The following SLC45A1 variants were observed in gnomAD, a reference collection of about 807,000 sequenced individuals.
SLC45A1 encodes the protein proton-associated sugar transporter A.
A neutral mutation model predicts 57.6 loss-of-function variants in SLC45A1; 28 were observed. The ratio of observed to expected loss-of-function variants is 0.49; its 90% CI spans 0.36 to 0.67. The LOEUF is 0.67. Ranked by LOEUF, SLC45A1 falls within the 30% of genes least tolerant of loss-of-function variation. The probability of loss-of-function intolerance (pLI) is 0.00; values close to 1 mark genes in which losing one functional copy is unlikely to be tolerated. For synonymous variants in SLC45A1, 459 were observed against 471.5 expected, an observed-to-expected ratio of 0.97 and a Z score of 0.34; for missense variants, 814 against 1,041.5, an observed-to-expected ratio of 0.78 and a Z score of 3.01.
intron 5 of SLC45A1, among the ~76,000 whole-genome samples, chr1:8,334,595 C>T (rs1243943802): frequency 1.3e-5 from 2 of 151,980 alleles, no homozygotes; most frequent in African/African-American, 4.8e-5. Context: ...CCCAGCTACT[C>T]GGGAGGCTGA....
At position 8,325,847 on chromosome 1, in the gene SLC45A1, A is replaced by C; in HGVS notation, c.520A>C (p.Asn174His). Residue 174 changes from asparagine (N) to histidine (H), a missense_variant, in exon 4 of 9, where the codon AAT (asparagine) becomes CAT (histidine). Transcript: ENST00000471889. The surrounding 1 kb of genome is among the most constrained non-coding windows in gnomAD (Gnocchi z 6.3). ...ACTGCTGGGCCTCTCGCTCTTGCTGAATGGCCGGGACATTGGCATCGCCCT... is the reference window on the plus strand; with the variant it reads ...ACTGCTGGGCCTCTCGCTCTTGCTGCATGGCCGGGACATTGGCATCGCCCT... Reference protein sequence around the residue: ...GALLGLSLLLNGRDIGIALAD... With the variant: ...GALLGLSLLLHGRDIGIALAD... The C allele has an allele frequency of 6.2e-7, 1 of 1,613,808 alleles. No individual in the cohort carries two copies. Among genetic ancestry groups the C allele is most frequent in the Non-Finnish European group, 8.5e-7 (1 of 1,180,040 alleles).
rs747114469 is a variant in SLC45A1, at chr1:8,325,953, C to A, written c.626C>A (p.Ser209Ter). Residue 209 changes from serine (S) to a stop codon, truncating the protein, a stop_gained, in exon 4 of 9, where the codon TCG becomes TAG. Transcript: ENST00000471889. LOFTEE classifies it high-confidence loss of function. The surrounding 1 kb of genome is among the most constrained non-coding windows in gnomAD (Gnocchi z 6.3). ...GVVLMDFSAD[S>*]ADNPSHAYMM... ...GTGCTGATGGACTTTAGCGCCGACT[C>A]GGCGGACAACCCCAGCCACGCCTAC... 1 of 1,613,390 alleles carries A rather than the reference C, an allele frequency of 6.2e-7. No homozygotes were observed. The highest frequency in any genetic ancestry group is 8.5e-7 in the Non-Finnish European group (1 of 1,180,026).
At position 8,327,091 on chromosome 1, in the gene SLC45A1, C is replaced by T. The variant is rs1640225642; in HGVS notation, c.715+1049C>T. 1.3e-5 allele frequency among the ~76,000 whole-genome samples: 2 copies of T among 152,218 alleles called. No homozygotes were observed. Among genetic ancestry groups the T allele is most frequent in the African/African-American group, 4.8e-5 (2 of 41,458 alleles). On this transcript the variant is annotated intron_variant, in intron 4 of 8. Coordinates refer to ENST00000471889, the MANE Select transcript of SLC45A1 (RefSeq NM_001080397.3). This position sits in a 1 kb window ranked among gnomAD's most constrained non-coding sequence, Gnocchi z 4.3. Reference sequence around the variant, plus strand: ...CAGCTGGATCACGCACCCTTGGAAGCACAGGCGTTGTGCTGTTCTGTGCAA... The same window carrying T: ...CAGCTGGATCACGCACCCTTGGAAGTACAGGCGTTGTGCTGTTCTGTGCAA...
In SLC45A1 at chr1:8,332,277, T is replaced by A. The variant is rs564170282; in HGVS notation, c.1443+1341T>A. 2.6e-5 allele frequency among the ~76,000 whole-genome samples: 4 copies of A among 152,280 alleles called. No homozygotes were observed. The East Asian group carries it at 7.7e-4, about 29-fold the overall frequency. On this transcript the variant is annotated intron_variant, in intron 5 of 8. Coordinates refer to ENST00000471889, the MANE Select transcript of SLC45A1 (RefSeq NM_001080397.3). The stretch of plus-strand genomic sequence containing the variant: ...AATACATCCAAGTCTTCATGGACGG[T>A]GGAAACAAAACGTGAAACCTGCAGA...
chr1:8,330,463 G>C lies in SLC45A1; in HGVS notation c.970G>C (p.Asp324His). Residue 324 changes from aspartate to histidine, a missense_variant, in exon 5 of 9, where the codon GAC becomes CAC. Transcript: ENST00000471889. This position sits in a 1 kb window ranked among gnomAD's most constrained non-coding sequence, Gnocchi z 8.4. Reference protein sequence around the residue: ...PPVLPEEGPGDSLPSHTATNF... With the variant: ...PPVLPEEGPGHSLPSHTATNF... ...CGTCCTGCCAGAGGAAGGCCCTGGCGACAGCCTCCCGTCGCACACGGCCAC... is the reference window on the plus strand; with the variant it reads ...CGTCCTGCCAGAGGAAGGCCCTGGCCACAGCCTCCCGTCGCACACGGCCAC... The C allele has an allele frequency of 6.2e-7, 1 of 1,612,004 alleles. No homozygotes were observed.
At position 8,330,704 on chromosome 1, in the gene SLC45A1, T is replaced by G. The variant is rs201577337; in HGVS notation, c.1211T>G (p.Phe404Cys). 32 of 1,613,052 alleles carry G rather than the reference T, an allele frequency of 2.0e-5. No homozygotes were observed. In the East Asian group the frequency reaches 6.5e-4, roughly 33 times the overall value. The change falls in exon 5 of 9, where the codon TTC (phenylalanine) becomes TGC (cysteine). Residue 404 changes from phenylalanine to cysteine, a missense_variant. Transcript: ENST00000471889. This position sits in a 1 kb window ranked among gnomAD's most constrained non-coding sequence, Gnocchi z 8.4. ...CCCAGGCCGCCCATCAGCGTCAGCTTCCCCCGGGCCCCCGACGGCTTCTAC... is the reference window on the plus strand; with the variant it reads ...CCCAGGCCGCCCATCAGCGTCAGCTGCCCCCGGGCCCCCGACGGCTTCTAC... Reference protein sequence around the residue: ...SVPRPPISVSFPRAPDGFYRQ... With the variant: ...SVPRPPISVSCPRAPDGFYRQ...
chr1:8,331,067 C>T, intron 5 of SLC45A1, 131 bp downstream of exon 5: 1 of 1,227,972 alleles, frequency 8.1e-7, no homozygotes, highest in Non-Finnish European at 1.1e-6. Flanking sequence ...TTATCAAGTG[C>T]TTTGACCTAA....
chr1:8,323,230 C>T lies in SLC45A1; in HGVS notation c.-24-1076C>T, dbSNP rs141720559. On this transcript the variant is annotated intron_variant, in intron 1 of 8. Coordinates refer to ENST00000471889, the MANE Select transcript of SLC45A1 (RefSeq NM_001080397.3). ...AGTTGAGGCTGGGCACGGTGGCTCA[C>T]GCCTGTAATCCCAGCACTTTGGGAG... 6.3e-3 allele frequency among the ~76,000 whole-genome samples: 965 copies of T among 152,176 alleles called. 6 individuals carry two copies. Among genetic ancestry groups the T allele is most frequent in the African/African-American group, 0.022 (913 of 41,506 alleles).
chr1:8,323,283 G>A (rs1640088477), intron 1 of SLC45A1, among the ~76,000 whole-genome samples: 1 of 152,136 alleles, frequency 6.6e-6, no homozygotes, highest in African/African-American at 2.4e-5. Context: ...ACGAGGTCAG[G>A]AGATAGAGAC....
rs1298082397 is a variant in SLC45A1, at chr1:8,328,889, G to A, written c.716-1320G>A. The stretch of plus-strand genomic sequence containing the variant: ...AAAGTTCTTCTGAAATCTGACCTTG[G>A]ATAAGGGTCACGAACAGCAATGGTG... On this transcript the variant is annotated intron_variant, in intron 4 of 8. Transcript: ENST00000471889. This position sits in a 1 kb window ranked among gnomAD's most constrained non-coding sequence, Gnocchi z 4.6. 6.6e-6 allele frequency among the ~76,000 whole-genome samples: 1 copy of A among 152,100 alleles called. No individual in the cohort carries two copies. The highest frequency in any genetic ancestry group is 1.5e-5 in the Non-Finnish European group (1 of 68,008).
intron 1 of SLC45A1, 44 bp from the exon 2 acceptor site, chr1:8,324,262 C>T (rs771104356): frequency 3.9e-6 from 6 of 1,538,414 alleles, no homozygotes; most frequent in Non-Finnish European, 5.3e-6. Flanking sequence ...GGAGGACTAC[C>T]CAGGCAAAAG....
Position 8,325,223 on chromosome 1 carries a change from G to T in SLC45A1, c.398-75G>T. The T allele has an allele frequency of 1.1e-6, 1 of 918,364 alleles. No individual in the cohort carries two copies. The highest frequency in any genetic ancestry group is 1.3e-5 in the South Asian group (1 of 74,620). The allele number at this position is 918,364 out of a possible 1,614,324, so 56.9% of individuals were successfully genotyped here. On this transcript the variant is annotated intron_variant, in intron 2 of 8. Coordinates refer to ENST00000471889, the MANE Select transcript of SLC45A1 (RefSeq NM_001080397.3). The surrounding 1 kb of genome is among the most constrained non-coding windows in gnomAD (Gnocchi z 6.3). ...GGGTGTTTGAGAGCAGGCACTTCAGGAATGTGGAGGCTGATTCGATGTCCC... is the reference window on the plus strand; with the variant it reads ...GGGTGTTTGAGAGCAGGCACTTCAGTAATGTGGAGGCTGATTCGATGTCCC...
Position 8,335,684 on chromosome 1 carries a change from A to C in SLC45A1, c.1597+94A>C. 9 of 1,382,404 alleles carry C rather than the reference A, an allele frequency of 6.5e-6. No homozygotes were observed. Among genetic ancestry groups the C allele is most frequent in the Non-Finnish European group, 7.7e-6 (8 of 1,037,434 alleles). The allele number at this position is 1,382,404 out of a possible 1,614,324, so 85.6% of individuals were successfully genotyped here. A position where few individuals can be genotyped will look rare whatever the true frequency, so the allele number is the denominator to read the frequency against. ...AGGATGCCCCTGAGCCTCCCTTCCC[A>C]GAACCTTTCTGAGTTCACCAGCCCC... On this transcript the variant is annotated intron_variant, in intron 6 of 8. Coordinates refer to ENST00000471889, the MANE Select transcript of SLC45A1 (RefSeq NM_001080397.3). This position sits in a 1 kb window ranked among gnomAD's most constrained non-coding sequence, Gnocchi z 4.1.
At chr1:8,333,764 G>A (rs375994777) in intron 5 of SLC45A1, among the ~76,000 whole-genome samples, 14 of 152,208 alleles carry the variant, frequency 9.2e-5, no homozygotes, top group African/African-American at 2.9e-4. Flanking sequence ...AGCAGGATGG[G>A]GCCTTTCGTT....
chr1:8,343,561 G>T lies in SLC45A1; in HGVS notation c.1981-186G>T, dbSNP rs562417106. On this transcript the variant is annotated intron_variant, in intron 8 of 8. Coordinates refer to ENST00000471889, the MANE Select transcript of SLC45A1 (RefSeq NM_001080397.3). The surrounding 1 kb of genome is among the most constrained non-coding windows in gnomAD (Gnocchi z 7.7). ...TTAGTCATGGATTCTTTTCATTGTCGTCATCTCTCCGAACACAAATATTGT... is the reference window on the plus strand; with the variant it reads ...TTAGTCATGGATTCTTTTCATTGTCTTCATCTCTCCGAACACAAATATTGT... Among the ~76,000 whole-genome samples, 2 of 152,126 alleles carry T rather than the reference G, an allele frequency of 1.3e-5. No homozygotes were observed. The highest frequency in any genetic ancestry group is 2.9e-5 in the Non-Finnish European group (2 of 68,016).
intron 8 of SLC45A1, among the ~76,000 whole-genome samples, chr1:8,342,557 C>T (rs1640859919): frequency 6.6e-6 from 1 of 152,216 alleles, no homozygotes; most frequent in African/African-American, 2.4e-5. Flanking sequence ...ATCTGCAGTG[C>T]AGCTGTGGGC....
At chr1:8,340,411 C>A (rs2124326397) in intron 8 of SLC45A1, among the ~76,000 whole-genome samples, 1 of 152,262 alleles carries the variant, frequency 6.6e-6, no homozygotes, top group South Asian at 2.1e-4. Flanking sequence ...ATCCGCCCGC[C>A]TCAGCCTCCC....
At chr1:8,329,131 C>T (rs948902006) in intron 4 of SLC45A1, among the ~76,000 whole-genome samples, 4 of 152,118 alleles carry the variant, frequency 2.6e-5, no homozygotes, top group Admixed American at 2.0e-4. Context: ...AGTGAAACCT[C>T]GAAATAATGA....
intron 5 of SLC45A1, 118 bp downstream of exon 5, chr1:8,331,054 G>T (rs1020836618): frequency 2.3e-6 from 3 of 1,298,506 alleles, no homozygotes; most frequent in Admixed American, 2.5e-5. Context: ...TGTTATGGGG[G>T]TGTTATCAAG....
Sources: gnomAD v4.1 joint callset for allele counts (sites outside exome capture counted in the v4.1 genomes callset) on GRCh38, gnomAD v4.1.1 for gene constraint, Gnocchi (gnomAD v3.1) non-coding constraint, MANE v1.5 for transcripts, NCBI Gene and HGNC (gene_info 2026-07-23, HGNC 2026-07-21) for gene names.